The following PCDH15 variants were observed in gnomAD, a reference collection of about 807,000 sequenced individuals.
The protein encoded by PCDH15 is protocadherin-15.
PCDH15 carries 129 observed loss-of-function variants against 178.5 expected under a neutral mutation model. That is an observed-to-expected ratio of 0.72 (90% CI 0.63 to 0.84). The LOEUF is 0.84. PCDH15 is among the 40% of genes least tolerant of loss of function. PCDH15 has a pLI of 0.00. For synonymous variants in PCDH15, 800 were observed against 732.0 expected (o/e 1.09, Z -1.50); for missense variants, 2,230 against 2,099.9 (o/e 1.06, Z -1.21).
chr10:53,962,098 G>C (rs1471384681), intron 21 of PCDH15, among the ~76,000 whole-genome samples: 5 of 151,924 alleles, frequency 3.3e-5, no homozygotes, highest in Admixed American at 2.6e-4. Flanking sequence ...CTCTACTACA[G>C]GTTATTTTAA....
rs202174044 is a variant in PCDH15, at chr10:55,417,068, AT to A, written c.-156+210556del. Among the ~76,000 whole-genome samples the A allele has an allele frequency of 6.1e-3, 929 of 151,904 alleles. 28 individuals carry two copies. Among genetic ancestry groups the A allele is most frequent in the Admixed American group, 0.051 (771 of 15,180 alleles). ...TTTGTATGGCCAATGAGCTAGGAAT[AT>A]TTTTTAATTGTTTAAAAAAATTTAA... On this transcript the variant is annotated intron_variant, in intron 2 of 5. Coordinates refer to the PCDH15 transcript ENST00000613346.
At chr10:55,023,550 A>G (rs1314032906) in intron 2 of PCDH15, among the ~76,000 whole-genome samples, 1 of 150,412 alleles carries the variant, frequency 6.6e-6, no homozygotes, top group Non-Finnish European at 1.5e-5. Flanking sequence ...ATCGACTATT[A>G]ATCTTCCTCA....
chr10:54,057,001 T>G (rs1040244876), intron 18 of PCDH15, among the ~76,000 whole-genome samples: 2 of 152,218 alleles, frequency 1.3e-5, no homozygotes, highest in Non-Finnish European at 1.5e-5. Flanking sequence ...TTTGACTCCA[T>G]GTGTCACATC....
intron 13 of PCDH15, among the ~76,000 whole-genome samples, chr10:54,159,045 C>T (rs370080090): frequency 9.3e-5 from 14 of 150,110 alleles, no homozygotes; most frequent in African/African-American, 3.2e-4. Flanking sequence ...GGATGTGAAG[C>T]TTGCAGTGAG....
At chr10:55,475,532 T>A (rs151285021) in intron 2 of PCDH15, among the ~76,000 whole-genome samples, 23 of 152,228 alleles carry the variant, frequency 1.5e-4, no homozygotes, top group African/African-American at 5.3e-4. Flanking sequence ...TGAGTCCTGG[T>A]ATGATGCCAT....
intron 26 of PCDH15, among the ~76,000 whole-genome samples, chr10:53,888,289 T>TATATATATATATAC (rs756987649): frequency 0.021 from 1,139 of 54,596 alleles, 59 homozygotes; most frequent in African/African-American, 0.099. Flanking sequence ...ACACTATATA[T>TATATATATATATAC]ACATATATAT....
chr10:54,299,720 G>A (rs1393123970), intron 8 of PCDH15, among the ~76,000 whole-genome samples: 1 of 152,166 alleles, frequency 6.6e-6, no homozygotes, highest in Non-Finnish European at 1.5e-5. Flanking sequence ...GACACAATGG[G>A]TGTTCAGCAA....
chr10:54,970,526 A>G (rs1838905206), intron 2 of PCDH15, among the ~76,000 whole-genome samples: 1 of 152,188 alleles, frequency 6.6e-6, no homozygotes, highest in Admixed American at 6.5e-5. Flanking sequence ...TGAGAAACAA[A>G]GTACAGTAGT....
At chr10:53,961,068 T>C (rs889107049) in intron 22 of PCDH15, among the ~76,000 whole-genome samples, 1 of 152,032 alleles carries the variant, frequency 6.6e-6, no homozygotes, top group African/African-American at 2.4e-5. Context: ...AAAAGTAAAA[T>C]TTGACAAAAA....
At chr10:54,655,170 C>T (rs967979175) in intron 2 of PCDH15, 6 of 150,994 alleles carry the variant, frequency 4.0e-5, no homozygotes, top group Admixed American at 1.3e-4. Context: ...GAGATCGCGC[C>T]ACTGCACTCC....
chr10:53,959,940 G>T, intron 22 of PCDH15, 96 bp from the exon 23 acceptor site: 1 of 933,900 alleles, frequency 1.1e-6, no homozygotes, highest in Non-Finnish European at 1.7e-6. Flanking sequence ...TGGATTGCCT[G>T]GTTCCAGAAG....
chr10:54,940,091 C>G (rs960925560), intron 2 of PCDH15, among the ~76,000 whole-genome samples: 2 of 151,814 alleles, frequency 1.3e-5, no homozygotes, highest in African/African-American at 4.8e-5. Flanking sequence ...TAGTTTTTTC[C>G]TTTTTTAAAA....
chr10:54,779,975 A>G (rs564182235), intron 1 of PCDH15, among the ~76,000 whole-genome samples: 1 of 152,292 alleles, frequency 6.6e-6, no homozygotes, highest in South Asian at 2.1e-4. Context: ...AGCACATGGC[A>G]AGCATATAAG....
intron 5 of PCDH15, among the ~76,000 whole-genome samples, chr10:54,358,529 G>A (rs988726368): frequency 1.3e-5 from 2 of 152,144 alleles, no homozygotes; most frequent in Non-Finnish European, 2.9e-5. Context: ...TGGAGAGGAT[G>A]TGGAGAAATA....
In PCDH15 at chr10:54,358,365, A is replaced by T. The variant is rs565300468; in HGVS notation, c.474+10755T>A. ...AAGTGGGCAAAGGACATGAACAGAC[A>T]CTTCTCAAAAGAAGACATTTATGCA... On this transcript the variant is annotated intron_variant, in intron 5 of 37. Coordinates refer to ENST00000644397, the MANE Select transcript of PCDH15 (RefSeq NM_001384140.1). Among the ~76,000 whole-genome samples, 3 of 152,130 alleles carry T rather than the reference A, an allele frequency of 2.0e-5. No homozygotes were observed. The East Asian group carries it at 5.8e-4, about 29-fold the overall frequency.
intron 16 of PCDH15, among the ~76,000 whole-genome samples, 200 bp from the exon 17 acceptor site, chr10:54,079,624 T>C (rs551551938): frequency 1.3e-5 from 2 of 152,292 alleles, no homozygotes; most frequent in African/African-American, 4.8e-5. Flanking sequence ...CTTAGCAGTA[T>C]CCATGAAACT....
At chr10:54,527,701 G>T (rs1279959188) in intron 3 of PCDH15, 111 bp downstream of exon 3, 4 of 747,824 alleles carry the variant, frequency 5.3e-6, no homozygotes, top group Non-Finnish European at 8.4e-6. Context: ...ATTATCCATG[G>T]ATTTGGGTTG....
Position 55,288,922 on chromosome 10 carries a change from C to G in PCDH15, c.-156+30677G>C, listed in dbSNP as rs114216548. Among the ~76,000 whole-genome samples the G allele has an allele frequency of 1.5e-3, 224 of 150,768 alleles. 1 individual carries two copies. The highest frequency in any genetic ancestry group is 4.7e-3 in the African/African-American group (191 of 40,684). On this transcript the variant is annotated intron_variant, in intron 1 of 5. Coordinates refer to the PCDH15 transcript ENST00000458638. ...TGGATTGGTGGATTATACAGTAATT[C>G]TATTTTTAATTTTTTTGAAAAACCA...
At chr10:55,581,510 T>G (rs1308511988) in intron 2 of PCDH15, among the ~76,000 whole-genome samples, 1 of 152,066 alleles carries the variant, frequency 6.6e-6, no homozygotes, top group Non-Finnish European at 1.5e-5. Context: ...ATGTAAATTT[T>G]GCTTCTATCT....
Sources: gnomAD v4.1 joint callset for allele counts (sites outside exome capture counted in the v4.1 genomes callset) on GRCh38, gnomAD v4.1.1 for gene constraint, MANE v1.5 for transcripts, NCBI Gene and HGNC (gene_info 2026-07-23, HGNC 2026-07-21) for gene names.